Variants in EYS observed in about 807,000 individuals in gnomAD.
EYS encodes EGF-like photoreceptor maintenance factor.
EYS carries 250 observed loss-of-function variants against 282.1 expected under a neutral mutation model. The observed-to-expected ratio is 0.89, with a 90% CI of 0.80 to 0.98. EYS has a LOEUF of 0.98. EYS is among the 50% of genes least tolerant of loss of function. The probability of loss-of-function intolerance (pLI) is 0.00; values close to 1 mark genes in which losing one functional copy is unlikely to be tolerated. For synonymous variants in EYS, 1,355 were observed against 1,282.9 expected, an observed-to-expected ratio of 1.06 and a Z score of -1.20; for missense variants, 4,016 against 3,709.0, an observed-to-expected ratio of 1.08 and a Z score of -2.15.
intron 31 of EYS, among the ~76,000 whole-genome samples, chr6:64,184,369 A>G (rs113226968): frequency 2.2e-4 from 34 of 152,290 alleles, no homozygotes; most frequent in African/African-American, 7.0e-4. Context: ...ATAAAATGTT[A>G]TCATTTTAAA....
chr6:63,952,131 C>G lies in EYS; in HGVS notation c.7055+32252G>C, dbSNP rs149132615. On this transcript the variant is annotated intron_variant, in intron 35 of 42. Transcript: ENST00000503581. The stretch of plus-strand genomic sequence containing the variant: ...CAAGAACTTCAAAATGCCTAAGCCA[C>G]AGCGGTTAAGCATTCCTACAGGACC... Among the ~76,000 whole-genome samples, 859 of 152,364 alleles carry G rather than the reference C, an allele frequency of 5.6e-3. 9 individuals carry two copies. The highest frequency in any genetic ancestry group is 0.024 in the Middle Eastern group (7 of 294).
chr6:64,647,301 C>CA (rs964458709), intron 22 of EYS, among the ~76,000 whole-genome samples: 28 of 151,798 alleles, frequency 1.8e-4, no homozygotes, highest in Admixed American at 1.2e-3. Context: ...AAAATTAATG[C>CA]AAAAAAAGAA....
chr6:64,146,843 G>A (rs550176099), intron 31 of EYS, among the ~76,000 whole-genome samples: 1 of 152,136 alleles, frequency 6.6e-6, no homozygotes, highest in Non-Finnish European at 1.5e-5. Context: ...ACTGAAATTA[G>A]AAGTGAGCCT....
intron 8 of EYS, among the ~76,000 whole-genome samples, chr6:65,371,513 T>A (rs889001768): frequency 1.3e-5 from 2 of 151,714 alleles, no homozygotes; most frequent in Non-Finnish European, 2.9e-5. Flanking sequence ...AAAATTTGGG[T>A]GTAAATGCTC....
chr6:65,282,403 A>G, intron 12 of EYS, among the ~76,000 whole-genome samples: 1 of 152,166 alleles, frequency 6.6e-6, no homozygotes, highest in East Asian at 1.9e-4. Flanking sequence ...GAATAACAAA[A>G]TGAACTAAAA....
At chr6:65,148,730 G>T (rs369741373) in intron 12 of EYS, among the ~76,000 whole-genome samples, 1 of 152,028 alleles carries the variant, frequency 6.6e-6, no homozygotes, top group Non-Finnish European at 1.5e-5. Flanking sequence ...TTCTCCATGA[G>T]GTCTCCACCC....
intron 8 of EYS, among the ~76,000 whole-genome samples, chr6:65,357,702 T>C (rs1283275002): frequency 6.6e-6 from 1 of 151,998 alleles, no homozygotes; most frequent in Non-Finnish European, 1.5e-5. Context: ...CAAAGTATTC[T>C]CTTAAGTACT....
intron 2 of EYS, among the ~76,000 whole-genome samples, chr6:65,553,448 T>A (rs1277118326): frequency 2.0e-5 from 3 of 152,248 alleles, no homozygotes; most frequent in Middle Eastern, 3.4e-3. Context: ...AGAATCTGGA[T>A]TATACTCCTG....
intron 1 of EYS, among the ~76,000 whole-genome samples, chr6:65,688,442 T>G (rs1327756369): frequency 2.0e-5 from 3 of 152,108 alleles, no homozygotes; most frequent in Non-Finnish European, 4.4e-5. Context: ...TCAAGATGGA[T>G]TAAAGACCTA....
chr6:64,782,263 T>C (rs1773885784), intron 22 of EYS, among the ~76,000 whole-genome samples: 1 of 152,220 alleles, frequency 6.6e-6, no homozygotes, highest in Non-Finnish European at 1.5e-5. Context: ...AAATTTGCAG[T>C]CTACAATTGA....
At chr6:63,939,979 T>C (rs9359681) in intron 35 of EYS, among the ~76,000 whole-genome samples, 47,216 of 152,162 alleles carry the variant, frequency 0.31, 7,384 homozygotes, top group Admixed American at 0.39. Flanking sequence ...CTTGTGGCTA[T>C]TGAGGTGAGC....
intron 1 of EYS, among the ~76,000 whole-genome samples, chr6:65,642,179 G>A (rs1354693128): frequency 6.6e-6 from 1 of 152,072 alleles, no homozygotes; most frequent in African/African-American, 2.4e-5. Flanking sequence ...TGCTCTCCCT[G>A]ATGATTTCAA....
intron 29 of EYS, among the ~76,000 whole-genome samples, chr6:64,346,856 T>C (rs979545237): frequency 6.6e-6 from 1 of 151,354 alleles, no homozygotes; most frequent in Non-Finnish European, 1.5e-5. Flanking sequence ...TGGAAGGAAA[T>C]TAATGAAAAA....
At chr6:63,908,862 G>A (rs1481168388) in intron 35 of EYS, among the ~76,000 whole-genome samples, 6 of 152,138 alleles carry the variant, frequency 3.9e-5, no homozygotes, top group Non-Finnish European at 2.9e-5. Flanking sequence ...AGAGAGAATA[G>A]GGAGTGGAAA....
chr6:64,426,662 G>T (rs1398573561), intron 28 of EYS, among the ~76,000 whole-genome samples: 7 of 151,896 alleles, frequency 4.6e-5, no homozygotes, highest in Non-Finnish European at 8.8e-5. Flanking sequence ...GAGTCTAGCG[G>T]TTGGCAGAGG....
chr6:64,829,189 T>C (rs1765145104), intron 19 of EYS, among the ~76,000 whole-genome samples: 1 of 151,946 alleles, frequency 6.6e-6, no homozygotes, highest in Admixed American at 6.6e-5. Flanking sequence ...CTGCAATGCA[T>C]GTTAATGCAG....
At chr6:65,454,792 T>C (rs895450210) in intron 5 of EYS, among the ~76,000 whole-genome samples, 3 of 152,126 alleles carry the variant, frequency 2.0e-5, no homozygotes, top group Admixed American at 2.0e-4. Context: ...TCTTCTTACC[T>C]TTGTTGAAAA....
chr6:63,883,200 T>C (rs965740855), intron 35 of EYS, among the ~76,000 whole-genome samples: 4 of 152,210 alleles, frequency 2.6e-5, no homozygotes, highest in African/African-American at 9.6e-5. Flanking sequence ...TACTAAGGCC[T>C]CCAGGGCTGG....
chr6:65,064,033 C>T (rs1349465579), intron 12 of EYS, among the ~76,000 whole-genome samples: 1 of 150,272 alleles, frequency 6.7e-6, no homozygotes, highest in Non-Finnish European at 1.5e-5. Context: ...ATACTTTACA[C>T]TAGGCTATAT....
Sources: gnomAD v4.1 joint callset for allele counts (sites outside exome capture counted in the v4.1 genomes callset) on GRCh38, gnomAD v4.1.1 for gene constraint, MANE v1.5 for transcripts, NCBI Gene and HGNC (gene_info 2026-07-23, HGNC 2026-07-21) for gene names.